TUNAR: variants seen among roughly 807,000 people sequenced by gnomAD.
TUNAR encodes protein TUNAR.
At chr14:95,916,004 T>A (rs1889599283) in intron 2 of TUNAR, among the ~76,000 whole-genome samples, 1 of 152,074 alleles carries the variant, frequency 6.6e-6, no homozygotes, top group African/African-American at 2.4e-5. Context: ...CCTGTGTTTT[T>A]TAAAAAAAAT....
intron 2 of TUNAR, among the ~76,000 whole-genome samples, chr14:95,882,184 G>A (rs1037666160): frequency 3.9e-5 from 6 of 152,136 alleles, no homozygotes; most frequent in African/African-American, 1.2e-4. Context: ...TCCTCGGTGC[G>A]GCCCATGGAA....
rs1260591217 is a variant in TUNAR at position 95,913,740 on chromosome 14, C to CT, written c.13-9030dup. On this transcript the variant is annotated intron_variant, in intron 2 of 2. Transcript: ENST00000678517. ...ACCTCTAAGTCCTAGATGGACTGGA[C>CT]TTTTTTTTTTTGAGACAGAGTCTCA... Among the ~76,000 whole-genome samples the CT allele has an allele frequency of 4.5e-4, 67 of 147,820 alleles. 1 individual carries two copies. The highest frequency in any genetic ancestry group is 8.1e-4 in the Admixed American group (12 of 14,854).
intron 2 of TUNAR, among the ~76,000 whole-genome samples, chr14:95,908,917 G>T (rs549032393): frequency 1.3e-5 from 2 of 152,260 alleles, no homozygotes; most frequent in East Asian, 3.9e-4. Context: ...GGCAAGTGGG[G>T]TCCATGGCCC....
chr14:95,899,758 T>C (rs1352033727), intron 2 of TUNAR, among the ~76,000 whole-genome samples: 1 of 152,198 alleles, frequency 6.6e-6, no homozygotes, highest in Non-Finnish European at 1.5e-5. Flanking sequence ...ATTCTATTCA[T>C]GAGGGCTCCA....
intron 2 of TUNAR, among the ~76,000 whole-genome samples, chr14:95,878,381 G>T (rs1595112862): frequency 6.6e-6 from 1 of 152,204 alleles, no homozygotes; most frequent in Non-Finnish European, 1.5e-5. Context: ...AATTGATCCT[G>T]GTCTGAGGGG....
chr14:95,923,068 C>T (rs1274163112), exon 3 of TUNAR: 1 of 398,186 alleles, frequency 2.5e-6, no homozygotes, highest in Admixed American at 4.4e-5. Context: ...CAGGCTTGAC[C>T]CGCACATACC....
chr14:95,882,887 GTC>G (rs1889003613), intron 2 of TUNAR, among the ~76,000 whole-genome samples: 1 of 152,144 alleles, frequency 6.6e-6, no homozygotes, highest in Non-Finnish European at 1.5e-5. Flanking sequence ...ATATTGATAA[GTC>G]TTATATTTTT....
chr14:95,877,582 G>A (rs1888909609), intron 2 of TUNAR, among the ~76,000 whole-genome samples: 1 of 152,160 alleles, frequency 6.6e-6, no homozygotes, highest in Admixed American at 6.5e-5. Flanking sequence ...AGGAAACTGA[G>A]GCTTAGAGAG....
At chr14:95,916,136 T>G (rs1211554282) in intron 2 of TUNAR, among the ~76,000 whole-genome samples, 1 of 152,210 alleles carries the variant, frequency 6.6e-6, no homozygotes, top group Non-Finnish European at 1.5e-5. Context: ...AGAAGCATAT[T>G]TAGAATGTAA....
intron 2 of TUNAR, among the ~76,000 whole-genome samples, chr14:95,883,846 C>T (rs1013851380): frequency 2.0e-5 from 3 of 152,186 alleles, no homozygotes; most frequent in Non-Finnish European, 2.9e-5. Context: ...TATTAAAATG[C>T]ATATGGGTGG....
At chr14:95,889,973 A>C (rs541291088) in intron 2 of TUNAR, among the ~76,000 whole-genome samples, 3 of 152,008 alleles carry the variant, frequency 2.0e-5, no homozygotes, top group Non-Finnish European at 2.9e-5. Flanking sequence ...AAAAAAAAAA[A>C]AAAACTGACA....
At chr14:95,887,274 C>T (rs753482626) in intron 2 of TUNAR, among the ~76,000 whole-genome samples, 8 of 152,202 alleles carry the variant, frequency 5.3e-5, no homozygotes, top group Non-Finnish European at 1.2e-4. Context: ...ATCCTCAGTA[C>T]CTGGGGTGAA....
At chr14:95,904,480 G>C (rs953399844) in intron 2 of TUNAR, among the ~76,000 whole-genome samples, 1 of 152,190 alleles carries the variant, frequency 6.6e-6, no homozygotes, top group Non-Finnish European at 1.5e-5. Context: ...AACCAGGCAG[G>C]TGCAGGGCAG....
intron 2 of TUNAR, among the ~76,000 whole-genome samples, chr14:95,916,005 T>A (rs77904998): frequency 1.1e-4 from 17 of 152,282 alleles, no homozygotes; most frequent in Admixed American, 1.1e-3. Flanking sequence ...CTGTGTTTTT[T>A]AAAAAAAATT....
intron 2 of TUNAR, among the ~76,000 whole-genome samples, chr14:95,912,565 T>A (rs942366608): frequency 6.6e-6 from 1 of 152,196 alleles, no homozygotes; most frequent in Non-Finnish European, 1.5e-5. Flanking sequence ...AGTCAACCAC[T>A]TTTTCCCCCT....
intron 2 of TUNAR, among the ~76,000 whole-genome samples, chr14:95,911,600 A>C (rs1321610263): frequency 6.6e-6 from 1 of 152,232 alleles, no homozygotes; most frequent in African/African-American, 2.4e-5. Flanking sequence ...ATTTCCAGGC[A>C]GGAGCTTGCC....
intron 2 of TUNAR, among the ~76,000 whole-genome samples, chr14:95,889,787 G>A (rs1001387936): frequency 1.3e-5 from 2 of 152,124 alleles, no homozygotes; most frequent in African/African-American, 4.8e-5. Context: ...ACCTGCAGGG[G>A]TGGTGGCAGT....
intron 2 of TUNAR, among the ~76,000 whole-genome samples, chr14:95,879,277 G>A (rs951154382): frequency 8.5e-5 from 13 of 152,168 alleles, no homozygotes; most frequent in Non-Finnish European, 1.5e-4. Flanking sequence ...CAGAAACTCG[G>A]CTCTCAGCGG....
In TUNAR at chr14:95,895,267, G is replaced by A. The variant is rs1358297072; in HGVS notation, c.12+18090G>A. Among the ~76,000 whole-genome samples the A allele has an allele frequency of 6.6e-6, 1 of 152,160 alleles. No homozygotes were observed. Among genetic ancestry groups the A allele is most frequent in the African/African-American group, 2.4e-5 (1 of 41,420 alleles). ...GTGTCTAACCCAGGAGGAGAGCATG[G>A]GCCAGCGGGAAGGGCAGGAAGCTAG... On this transcript the variant is annotated intron_variant, in intron 2 of 2. Transcript: ENST00000678517. The surrounding 1 kb of genome is among the most constrained non-coding windows in gnomAD (Gnocchi z 4.5).
Sources: allele counts gnomAD v4.1 joint callset (sites outside exome capture counted in the v4.1 genomes callset), GRCh38; gene constraint gnomAD v4.1.1; non-coding constraint Gnocchi (gnomAD v3.1); transcripts MANE v1.5; gene names NCBI Gene and HGNC (gene_info 2026-07-23, HGNC 2026-07-21).